Variants in NRCAM observed in about 807,000 individuals in gnomAD.
The protein encoded by NRCAM is NgCAM-related cell adhesion molecule.
A neutral mutation model predicts 156.5 loss-of-function variants in NRCAM; 83 were observed. The observed-to-expected ratio is 0.53, with a 90% CI of 0.44 to 0.64. The LOEUF (loss-of-function observed/expected upper bound fraction) is 0.64, where lower values mean the gene tolerates loss of function less well. Ranked by LOEUF, NRCAM falls within the 30% of genes least tolerant of loss-of-function variation. The pLI is 0.00. For missense variants in NRCAM, 1,417 were observed against 1,597.3 expected (o/e 0.89, Z 1.92); for synonymous variants, 538 against 563.9 (o/e 0.95, Z 0.65).
intron 1 of NRCAM, among the ~76,000 whole-genome samples, chr7:108,403,807 T>G (rs2099799758): frequency 6.6e-6 from 1 of 152,188 alleles, no homozygotes; most frequent in South Asian, 2.1e-4. Flanking sequence ...CAACCTTCCC[T>G]GAGGCAATCA....
At chr7:108,268,677 A>G (rs1471718473) in intron 3 of NRCAM, among the ~76,000 whole-genome samples, 2 of 150,080 alleles carry the variant, frequency 1.3e-5, no homozygotes, top group Non-Finnish European at 3.0e-5. Context: ...TGCAATGAGC[A>G]AGTCTTTTGC....
chr7:108,444,119 T>C (rs955333867), intron 1 of NRCAM, among the ~76,000 whole-genome samples: 3 of 152,200 alleles, frequency 2.0e-5, no homozygotes, highest in African/African-American at 7.2e-5. Context: ...AATATAAATT[T>C]TAAAACAATA....
chr7:108,230,678 G>T (rs750281625), intron 8 of NRCAM, among the ~76,000 whole-genome samples: 5 of 151,614 alleles, frequency 3.3e-5, no homozygotes, highest in Non-Finnish European at 5.9e-5. Context: ...GATATTTAGG[G>T]GCATGGCTTG....
intron 12 of NRCAM, among the ~76,000 whole-genome samples, 189 bp downstream of exon 12, chr7:108,209,232 A>T (rs572309181): frequency 6.6e-6 from 1 of 152,292 alleles, no homozygotes; most frequent in South Asian, 2.1e-4. Flanking sequence ...TTTGTGAGGA[A>T]GATTTGAACA....
rs1173939523 is a variant in NRCAM, at chr7:108,181,893, T to G, written c.2575A>C (p.Ser859Arg). Residue 859 changes from serine (S) to arginine (R), a missense_variant, in exon 24 of 33, where the codon AGT (serine) becomes CGT (arginine). Around this residue, in one of 2 missense-constraint regions of NRCAM, gnomAD observed 1,238 missense variants for 1,336.4 expected, o/e 0.93. Coordinates refer to ENST00000379028, the MANE Select transcript of NRCAM (RefSeq NM_001037132.4). ...TCCCAGTGCACCTCGGCTAAGGTAC[T>G]GTTCACCACATTCACACGCACGTTC... The part of the protein sequence containing the change: ...PGNVRVNVVN[S>R]TLAEVHWDPV... 6.8e-6 allele frequency: 11 copies of G among 1,614,044 alleles called. No homozygotes were observed. The highest frequency in any genetic ancestry group is 8.5e-6 in the Non-Finnish European group (10 of 1,180,022).
At chr7:108,189,562 T>C (rs533722523) in intron 20 of NRCAM, 83 bp downstream of exon 20, 6 of 715,536 alleles carry the variant, frequency 8.4e-6, no homozygotes, top group Middle Eastern at 4.6e-4. Flanking sequence ...AATACCTTTG[T>C]GAGGAAATTC....
Position 108,155,099 on chromosome 7 carries a change from TATACACACACAC to T in NRCAM, c.3677+4352_3677+4363del, listed in dbSNP as rs2044343377. Among the ~76,000 whole-genome samples the T allele has an allele frequency of 1.0e-4, 9 of 89,992 alleles. No homozygotes were observed. In the South Asian group the frequency reaches 3.2e-3, roughly 32 times the overall value. 59.0% of individuals were successfully genotyped at this position (89,992 alleles called of 152,430 possible). On this transcript the variant is annotated intron_variant, in intron 32 of 32. Transcript: ENST00000379028. ...ATGATTTAAAAGTCATATATATATA[TATACACACACAC>T]ACACACACACACACACACACACACA...
Position 108,150,068 on chromosome 7 carries a change from C to A in NRCAM, c.3757G>T (p.Asp1253Tyr). Reference protein sequence around the residue: ...DRTVKKEDSDDSLVDYGEGVN... With the variant: ...DRTVKKEDSDYSLVDYGEGVN... ...CCTTCTCCATAGTCAACTAGGCTGT[C>A]GTCACTATCTTCTTTTTTCACAGTC... The change falls in exon 33 of 33, where the codon GAC becomes TAC. Residue 1253 changes from aspartate (D) to tyrosine (Y), a missense_variant. Coordinates refer to ENST00000379028, the MANE Select transcript of NRCAM (RefSeq NM_001037132.4). 1 of 1,614,018 alleles carries A rather than the reference C, an allele frequency of 6.2e-7. No individual in the cohort carries two copies. Among genetic ancestry groups the A allele is most frequent in the Non-Finnish European group, 8.5e-7 (1 of 1,179,920 alleles).
intron 1 of NRCAM, among the ~76,000 whole-genome samples, chr7:108,446,051 G>C (rs1430027637): frequency 1.3e-5 from 2 of 152,152 alleles, no homozygotes; most frequent in Non-Finnish European, 2.9e-5. Flanking sequence ...GCCACCCAGA[G>C]ACCTCCGGAG....
chr7:108,207,819 CTT>C (rs2081974382), intron 12 of NRCAM, among the ~76,000 whole-genome samples, 160 bp from the exon 13 acceptor site: 1 of 152,112 alleles, frequency 6.6e-6, no homozygotes, highest in Non-Finnish European at 1.5e-5. Context: ...TCAAAGAACA[CTT>C]AAGATTTTCA....
chr7:108,290,374 T>A (rs2098250285), intron 3 of NRCAM, among the ~76,000 whole-genome samples: 1 of 152,176 alleles, frequency 6.6e-6, no homozygotes, highest in Admixed American at 6.5e-5. Context: ...GACTTCCTTG[T>A]CCTGAGCAAA....
intron 1 of NRCAM, among the ~76,000 whole-genome samples, chr7:108,448,699 T>C (rs1847137932): frequency 6.6e-6 from 1 of 152,184 alleles, no homozygotes; most frequent in Non-Finnish European, 1.5e-5. Flanking sequence ...TTCAATCAGA[T>C]GCTGCCTACC....
At chr7:108,192,733 T>C (rs1010622972) in intron 17 of NRCAM, among the ~76,000 whole-genome samples, 2 of 152,194 alleles carry the variant, frequency 1.3e-5, no homozygotes, top group African/African-American at 4.8e-5. Context: ...TATTATTTAC[T>C]GCAGAAAATC....
chr7:108,181,105 G>A (rs1236543740), intron 24 of NRCAM, among the ~76,000 whole-genome samples: 1 of 151,972 alleles, frequency 6.6e-6, no homozygotes, highest in Non-Finnish European at 1.5e-5. Context: ...ATCCAGAATT[G>A]TTGTTTACTA....
Position 108,228,044 on chromosome 7 carries a change from G to A in NRCAM, c.551-1666C>T, listed in dbSNP as rs114562194. Among the ~76,000 whole-genome samples the A allele has an allele frequency of 7.3e-3, 1,107 of 152,174 alleles. 22 individuals carry two copies. The highest frequency in any genetic ancestry group is 0.025 in the African/African-American group (1,046 of 41,514). On this transcript the variant is annotated intron_variant, in intron 8 of 32. Transcript: ENST00000379028. ...GACTGTTTAAACAATAACCCAAGCC[G>A]GGCTTGGTGGCTCATGTCTGTAATC...
chr7:108,271,272 C>A (rs968864773), intron 3 of NRCAM, among the ~76,000 whole-genome samples: 1 of 152,026 alleles, frequency 6.6e-6, no homozygotes, highest in Non-Finnish European at 1.5e-5. Flanking sequence ...CAGTAACAGG[C>A]AAATATGCTA....
At position 108,180,201 on chromosome 7, in the gene NRCAM, T is replaced by TA. The variant is rs768768989; in HGVS notation, c.2851+21dup. ...GCCATGCCATATGTTCCTGAGATCT[T>TA]AGAGACACGTCCATTCCATACCTCC... On this transcript the variant is annotated intron_variant, in intron 25 of 32. Transcript: ENST00000379028. 2.5e-6 allele frequency: 4 copies of TA among 1,609,224 alleles called. No individual in the cohort carries two copies. In the Admixed American group the frequency reaches 5.0e-5, roughly 20 times the overall value.
intron 7 of NRCAM, 106 bp from the exon 8 acceptor site, chr7:108,231,259 T>C (rs184519977): frequency 4.2e-6 from 3 of 710,374 alleles, no homozygotes; most frequent in Non-Finnish European, 6.7e-6. Flanking sequence ...TAATTTGTAA[T>C]TTATGTACAC....
At chr7:108,367,578 T>C (rs1229900509) in intron 2 of NRCAM, among the ~76,000 whole-genome samples, 1 of 152,134 alleles carries the variant, frequency 6.6e-6, no homozygotes, top group Non-Finnish European at 1.5e-5. Flanking sequence ...GTAAGCAGAG[T>C]TAAGCTAGAT....
Sources: allele counts gnomAD v4.1 joint callset (sites outside exome capture counted in the v4.1 genomes callset), GRCh38; gene constraint gnomAD v4.1.1; regional missense constraint gnomAD v4.1.1; transcripts MANE v1.5; gene names NCBI Gene and HGNC (gene_info 2026-07-23, HGNC 2026-07-21).